The following ASTN2 variants were observed in gnomAD, a reference collection of about 807,000 sequenced individuals.
ASTN2 encodes the protein astrotactin 2.
ASTN2 carries 54 observed loss-of-function variants against 139.8 expected under a neutral mutation model. The ratio of observed to expected loss-of-function variants is 0.39; its 90% confidence interval spans 0.31 to 0.48. ASTN2 has a LOEUF of 0.48. ASTN2 is among the 20% of genes least tolerant of loss of function. The pLI, the probability that ASTN2 is intolerant of heterozygous loss-of-function variation, is 0.95. For synonymous variants in ASTN2, 756 were observed against 719.5 expected (o/e 1.05, Z -0.81); for missense variants, 1,565 against 1,725.1 (o/e 0.91, Z 1.64).
Position 117,137,369 on chromosome 9 carries a change from A to G in ASTN2, c.1168+3957T>C, listed in dbSNP as rs1194928191. ...GGATGAGGCCTAAGGAAGCAGAAAG[A>G]GGGCAGGTGCTCCCAATCTGGACCA... is the stretch of plus-strand genomic sequence containing the variant. On this transcript the variant is annotated intron_variant, in intron 4 of 22. Transcript: ENST00000313400. 2.6e-5 allele frequency among the ~76,000 whole-genome samples: 4 copies of G among 152,180 alleles called. No homozygotes were observed. The East Asian group carries it at 7.7e-4, about 29-fold the overall frequency.
intron 1 of ASTN2, among the ~76,000 whole-genome samples, chr9:117,314,174 C>T (rs1489756374): frequency 6.6e-6 from 1 of 152,172 alleles, no homozygotes; most frequent in African/African-American, 2.4e-5. Flanking sequence ...TAAAACACTG[C>T]TAACAATGCA....
At chr9:117,110,734 C>A (rs1364440133) in intron 4 of ASTN2, among the ~76,000 whole-genome samples, 1 of 152,178 alleles carries the variant, frequency 6.6e-6, no homozygotes, top group East Asian at 1.9e-4. Flanking sequence ...GTAGCCAGCA[C>A]AGGATGAATT....
At chr9:117,294,761 A>G (rs1274452186) in intron 1 of ASTN2, among the ~76,000 whole-genome samples, 1 of 152,074 alleles carries the variant, frequency 6.6e-6, no homozygotes, top group Non-Finnish European at 1.5e-5. Context: ...CCTTCTTCAC[A>G]CACTCCATCC....
At chr9:117,148,928 G>T (rs1255968548) in intron 3 of ASTN2, among the ~76,000 whole-genome samples, 1 of 151,966 alleles carries the variant, frequency 6.6e-6, no homozygotes, top group Non-Finnish European at 1.5e-5. Flanking sequence ...TGGGTCTTTA[G>T]CTTGCTGGCC....
chr9:116,641,398 T>C (rs1857321695), intron 17 of ASTN2, among the ~76,000 whole-genome samples: 1 of 152,160 alleles, frequency 6.6e-6, no homozygotes, highest in Non-Finnish European at 1.5e-5. Flanking sequence ...TTGTAAGACC[T>C]TGAGACAAGT....
intron 2 of ASTN2, among the ~76,000 whole-genome samples, chr9:117,258,958 G>T (rs1243336058): frequency 6.6e-6 from 1 of 152,158 alleles, no homozygotes; most frequent in African/African-American, 2.4e-5. Context: ...ATGAATGAAA[G>T]AATCAGTATA....
chr9:117,367,704 G>A (rs1011671709), intron 1 of ASTN2, among the ~76,000 whole-genome samples: 4 of 152,020 alleles, frequency 2.6e-5, no homozygotes, highest in Non-Finnish European at 5.9e-5. Flanking sequence ...CTAAACTCTT[G>A]TAATTATTAT....
intron 2 of ASTN2, among the ~76,000 whole-genome samples, chr9:117,244,001 G>A (rs1456651946): frequency 6.6e-6 from 1 of 152,034 alleles, no homozygotes; most frequent in African/African-American, 2.4e-5. Context: ...TGGGGGCAGT[G>A]TCCCCCACTC....
At chr9:116,666,343 C>A (rs1269334117) in intron 16 of ASTN2, among the ~76,000 whole-genome samples, 1 of 152,098 alleles carries the variant, frequency 6.6e-6, no homozygotes, top group African/African-American at 2.4e-5. Context: ...AAAGAACATA[C>A]CTTTATTTTT....
chr9:116,552,824 A>G (rs1353359370), intron 19 of ASTN2, among the ~76,000 whole-genome samples: 1 of 152,258 alleles, frequency 6.6e-6, no homozygotes, highest in African/African-American at 2.4e-5. Context: ...TCTAAGCTGC[A>G]TGGGCACAGT....
chr9:116,543,922 G>T (rs867550492), intron 19 of ASTN2: 2 of 152,136 alleles, frequency 1.3e-5, no homozygotes, highest in African/African-American at 4.8e-5. Context: ...TTCAGAATTC[G>T]TTACTGCCCC....
chr9:116,458,192 A>C (rs540669773), intron 20 of ASTN2, among the ~76,000 whole-genome samples: 32 of 152,100 alleles, frequency 2.1e-4, no homozygotes, highest in African/African-American at 7.2e-4. Flanking sequence ...GGATAGAATG[A>C]TAGTTGTTAT....
chr9:117,251,461 AC>A (rs2133091564), intron 2 of ASTN2, among the ~76,000 whole-genome samples: 1 of 152,274 alleles, frequency 6.6e-6, no homozygotes, highest in African/African-American at 2.4e-5. Flanking sequence ...TTTGAAAAAA[AC>A]ATAAGCTTCA....
intron 5 of ASTN2, 24 bp from the exon 6 acceptor site, chr9:117,039,989 G>T: frequency 6.3e-7 from 1 of 1,584,340 alleles, no homozygotes; most frequent in Non-Finnish European, 8.6e-7. Flanking sequence ...CATACACAAA[G>T]ACACAAAATT....
At chr9:117,059,047 C>T (rs1474417535) in intron 5 of ASTN2, among the ~76,000 whole-genome samples, 2 of 152,004 alleles carry the variant, frequency 1.3e-5, no homozygotes, top group African/African-American at 4.8e-5. Context: ...GTTATAATGC[C>T]CGGTCTATCT....
chr9:117,018,376 GA>G (rs1351393814), intron 6 of ASTN2, among the ~76,000 whole-genome samples: 1 of 152,090 alleles, frequency 6.6e-6, no homozygotes, highest in Non-Finnish European at 1.5e-5. Context: ...GAGCTGTTTG[GA>G]AAAGACAGCT....
chr9:116,964,656 T>C (rs1835964664), intron 10 of ASTN2, among the ~76,000 whole-genome samples: 1 of 152,290 alleles, frequency 6.6e-6, no homozygotes, highest in East Asian at 1.9e-4. Context: ...TTTGAAACTA[T>C]AGGACACAAT....
chr9:117,285,282 C>CTTTTTTTTTTTTTTTTTTTTTTTTTTT (rs57546484), intron 2 of ASTN2, among the ~76,000 whole-genome samples: 1 of 130,142 alleles, frequency 7.7e-6, no homozygotes, highest in Admixed American at 7.9e-5. Flanking sequence ...TTGTAAAAAG[C>CTTTTTTTTTTTTTTTTTTTTTTTTTTT]TTTTTTTTTT....
At chr9:117,052,836 G>A (rs543718103) in intron 5 of ASTN2, among the ~76,000 whole-genome samples, 3 of 152,364 alleles carry the variant, frequency 2.0e-5, no homozygotes, top group African/African-American at 4.8e-5. Context: ...CTAGTAAGCT[G>A]TAGAGCTGGT....
Sources: gnomAD v4.1 joint callset for allele counts (sites outside exome capture counted in the v4.1 genomes callset) on GRCh38, gnomAD v4.1.1 for gene constraint, MANE v1.5 for transcripts, NCBI Gene and HGNC (gene_info 2026-07-23, HGNC 2026-07-21) for gene names.